Variants in PRKAG2 observed in about 807,000 individuals in gnomAD.
The protein encoded by PRKAG2 is 5'-AMP-activated protein kinase subunit gamma-2.
A neutral mutation model predicts 69.6 loss-of-function variants in PRKAG2; 26 were observed. That is an observed-to-expected ratio of 0.37 (90% confidence interval 0.27 to 0.52). The LOEUF is 0.52. Among genes scored for constraint, PRKAG2 ranks in the 20% least tolerant of loss-of-function variants. PRKAG2 has a pLI of 0.90. For missense variants in PRKAG2, 557 were observed against 740.0 expected (o/e 0.75, Z 2.87); for synonymous variants, 293 against 285.0 (o/e 1.03, Z -0.28).
chr7:151,572,010 C>G (rs527345942), intron 9 of PRKAG2, among the ~76,000 whole-genome samples: 1 of 152,194 alleles, frequency 6.6e-6, no homozygotes, highest in Non-Finnish European at 1.5e-5. Flanking sequence ...TTCCCACCCC[C>G]GGTCCTCTCC....
chr7:151,778,632 C>A (rs1372728873), intron 3 of PRKAG2, among the ~76,000 whole-genome samples: 1 of 152,262 alleles, frequency 6.6e-6, no homozygotes, highest in Non-Finnish European at 1.5e-5. Context: ...TGTCCCCAGG[C>A]ATTCCTGGTG....
chr7:151,831,786 AGCTGTGTCCCGGTCAGGT>A (rs1211523724), intron 1 of PRKAG2, among the ~76,000 whole-genome samples: 1 of 151,898 alleles, frequency 6.6e-6, no homozygotes, highest in African/African-American at 2.4e-5. Context: ...CCCAGGCAGG[AGCTGTGTCCCGGTCAGGT>A]GCTGTGTCCC....
chr7:151,572,791 T>C lies in PRKAG2; in HGVS notation c.1006-82A>G, dbSNP rs1584980559. 4 of 902,178 alleles carry C rather than the reference T, an allele frequency of 4.4e-6. No individual in the cohort carries two copies. In the East Asian group the frequency reaches 8.2e-5, roughly 19 times the overall value. 55.9% of individuals were successfully genotyped at this position (902,178 alleles called of 1,614,324 possible). A position where few individuals can be genotyped will look rare whatever the true frequency, so the allele number is the denominator to read the frequency against. ...TTGGAAAATGAAACAAAACATAGCTTGGATAATAGCATTTTCTATTCGCAA... is the reference window on the plus strand; with the variant it reads ...TTGGAAAATGAAACAAAACATAGCTCGGATAATAGCATTTTCTATTCGCAA... On this transcript the variant is annotated intron_variant, in intron 8 of 15. Transcript: ENST00000287878.
At chr7:151,819,034 A>G (rs1348575637) in intron 1 of PRKAG2, among the ~76,000 whole-genome samples, 1 of 152,216 alleles carries the variant, frequency 6.6e-6, no homozygotes, top group East Asian at 1.9e-4. Flanking sequence ...GGGCTTGTCA[A>G]TCAGCTCCCT....
At chr7:151,648,598 T>C (rs993748449) in intron 4 of PRKAG2, among the ~76,000 whole-genome samples, 1 of 152,214 alleles carries the variant, frequency 6.6e-6, no homozygotes, top group Non-Finnish European at 1.5e-5. Flanking sequence ...AATTGGAAGC[T>C]GAGAAACCAG....
chr7:151,862,711 C>T (rs1308158819), intron 1 of PRKAG2, among the ~76,000 whole-genome samples: 2 of 152,206 alleles, frequency 1.3e-5, no homozygotes, highest in Non-Finnish European at 2.9e-5. Context: ...GAAAGGGACG[C>T]GGTGCCGTGG....
At chr7:151,798,584 A>G (rs1002045208) in intron 1 of PRKAG2, among the ~76,000 whole-genome samples, 3 of 152,188 alleles carry the variant, frequency 2.0e-5, no homozygotes, top group Non-Finnish European at 4.4e-5. Context: ...CAGAGTGTTG[A>G]GATTACAGGC....
chr7:151,875,481 T>G (rs144254195), intron 1 of PRKAG2, among the ~76,000 whole-genome samples: 1 of 152,016 alleles, frequency 6.6e-6, no homozygotes, highest in African/African-American at 2.4e-5. Flanking sequence ...TTAGCTTTAA[T>G]GAGGGGTCCG....
At chr7:151,775,945 G>C (rs992839705) in intron 3 of PRKAG2, among the ~76,000 whole-genome samples, 2 of 152,332 alleles carry the variant, frequency 1.3e-5, no homozygotes, top group Admixed American at 1.3e-4. Flanking sequence ...TAGATTTCAA[G>C]TACGGAGAAA....
chr7:151,813,469 G>A (rs1358254026), intron 1 of PRKAG2, among the ~76,000 whole-genome samples: 2 of 147,354 alleles, frequency 1.4e-5, no homozygotes, highest in Non-Finnish European at 3.0e-5. Context: ...GACAGCCTCT[G>A]GCTTACGGAA....
intron 5 of PRKAG2, among the ~76,000 whole-genome samples, chr7:151,615,447 A>G (rs1056893193): frequency 2.6e-5 from 4 of 152,236 alleles, no homozygotes; most frequent in African/African-American, 9.6e-5. Context: ...TGTAAAATTG[A>G]AAATTATAAT....
At chr7:151,739,318 A>G (rs2073702745) in intron 3 of PRKAG2, among the ~76,000 whole-genome samples, 1 of 152,244 alleles carries the variant, frequency 6.6e-6, no homozygotes, top group Non-Finnish European at 1.5e-5. Flanking sequence ...TAGCCGATCA[A>G]GAAACTATGG....
chr7:151,761,193 A>G (rs1032855423), intron 3 of PRKAG2, among the ~76,000 whole-genome samples: 31 of 152,320 alleles, frequency 2.0e-4, no homozygotes, highest in African/African-American at 7.2e-4. Flanking sequence ...AACTACATAC[A>G]GTTTAAAGCA....
chr7:151,647,326 C>A (rs1827738071), intron 4 of PRKAG2, among the ~76,000 whole-genome samples: 1 of 152,112 alleles, frequency 6.6e-6, no homozygotes, highest in South Asian at 2.1e-4. Context: ...GCTTTGCAGC[C>A]AGAAACAGCC....
rs1340348015 is a variant in PRKAG2, at chr7:151,557,150, C to T, written c.*51G>A. 2 of 1,613,858 alleles carry T rather than the reference C, an allele frequency of 1.2e-6. No homozygotes were observed. The highest frequency in any genetic ancestry group is 1.7e-6 in the Non-Finnish European group (2 of 1,179,888). On this transcript the variant is annotated 3_prime_UTR_variant, in exon 16 of 16. Transcript: ENST00000287878. Reference sequence around the variant, plus strand: ...CCAGTGTTCATGAGGCAAAACGTGACCCAGAGACTTTGTTCAAGTTCTCCT... The same window carrying T: ...CCAGTGTTCATGAGGCAAAACGTGATCCAGAGACTTTGTTCAAGTTCTCCT...
intron 3 of PRKAG2, among the ~76,000 whole-genome samples, chr7:151,679,784 GC>G (rs374169909): frequency 6.6e-6 from 1 of 150,944 alleles, no homozygotes; most frequent in Non-Finnish European, 1.5e-5. Flanking sequence ...ACTAGCCCTG[GC>G]CAGGTGCGGT....
intron 3 of PRKAG2, among the ~76,000 whole-genome samples, chr7:151,759,765 G>T (rs778622362): frequency 3.3e-5 from 5 of 152,186 alleles, no homozygotes; most frequent in Non-Finnish European, 7.3e-5. Context: ...AAAACCAGAG[G>T]TGGGCTCCGC....
chr7:151,631,132 G>A (rs4726070), intron 5 of PRKAG2, among the ~76,000 whole-genome samples: 94,900 of 152,054 alleles, frequency 0.62, 30,760 homozygotes, highest in African/African-American at 0.78. Context: ...CACATGGCAC[G>A]TTCTTTGTTT....
chr7:151,844,825 C>T (rs956692224), intron 1 of PRKAG2, among the ~76,000 whole-genome samples: 13 of 152,224 alleles, frequency 8.5e-5, no homozygotes, highest in Admixed American at 7.2e-4. Flanking sequence ...TAAGTATTTA[C>T]TGGATGAATA....
Sources: allele counts gnomAD v4.1 joint callset (sites outside exome capture counted in the v4.1 genomes callset), GRCh38; gene constraint gnomAD v4.1.1; transcripts MANE v1.5; gene names NCBI Gene and HGNC (gene_info 2026-07-23, HGNC 2026-07-21).